The following SPAG16 variants were observed in gnomAD, a reference collection of about 807,000 sequenced individuals.
SPAG16 encodes the protein sperm-associated antigen 16 protein.
Under a neutral mutation model 80.4 loss-of-function variants are expected in SPAG16, and 86 were observed. The ratio of observed to expected loss-of-function variants is 1.07; its 90% CI spans 0.90 to 1.28. The LOEUF (loss-of-function observed/expected upper bound fraction) is 1.28. SPAG16 is among the 50% of genes most tolerant of loss of function. The pLI is 0.00. For synonymous variants in SPAG16, 294 were observed against 265.9 expected (o/e 1.11, Z -1.03); for missense variants, 870 against 765.3 (o/e 1.14, Z -1.61).
At chr2:213,349,536 G>C (rs2065207938) in intron 6 of SPAG16, among the ~76,000 whole-genome samples, 1 of 152,072 alleles carries the variant, frequency 6.6e-6, no homozygotes, top group Non-Finnish European at 1.5e-5. Context: ...TTAAACTCCT[G>C]GGTGTTTATC....
At chr2:214,112,282 A>G (rs371739644) in intron 14 of SPAG16, among the ~76,000 whole-genome samples, 2 of 152,148 alleles carry the variant, frequency 1.3e-5, no homozygotes, top group East Asian at 3.9e-4. Context: ...AGGAATGTAT[A>G]TTCTGTTGAT....
At chr2:214,034,424 A>T (rs947889777) in intron 13 of SPAG16, among the ~76,000 whole-genome samples, 2 of 152,242 alleles carry the variant, frequency 1.3e-5, no homozygotes, top group African/African-American at 4.8e-5. Flanking sequence ...GGAAACCTCC[A>T]TGGCCAGTGG....
At chr2:213,922,547 G>C (rs191113423) in intron 11 of SPAG16, among the ~76,000 whole-genome samples, 1 of 152,098 alleles carries the variant, frequency 6.6e-6, no homozygotes, top group Non-Finnish European at 1.5e-5. Flanking sequence ...ATTTCAGCCT[G>C]GTTAAGAACT....
intron 10 of SPAG16, among the ~76,000 whole-genome samples, chr2:213,507,551 C>G (rs1189226425): frequency 6.6e-6 from 1 of 152,200 alleles, no homozygotes; most frequent in Admixed American, 6.5e-5. Context: ...GATAGTCTTT[C>G]ATTTTGCCTA....
chr2:213,849,456 T>C (rs1206769260), intron 10 of SPAG16, among the ~76,000 whole-genome samples: 5 of 152,226 alleles, frequency 3.3e-5, no homozygotes, highest in African/African-American at 4.8e-5. Context: ...TGAAGTTTGA[T>C]GAGTATACTT....
chr2:213,342,468 A>T (rs2064751862), intron 6 of SPAG16, among the ~76,000 whole-genome samples: 1 of 150,800 alleles, frequency 6.6e-6, no homozygotes, highest in African/African-American at 2.4e-5. Flanking sequence ...ACTTTTTCTG[A>T]GTGTCATATT....
intron 7 of SPAG16, among the ~76,000 whole-genome samples, chr2:213,362,405 G>GT: frequency 6.6e-6 from 1 of 152,294 alleles, no homozygotes; most frequent in South Asian, 2.1e-4. Flanking sequence ...CAACTCAGCT[G>GT]TTGAGTGTTG....
intron 13 of SPAG16, among the ~76,000 whole-genome samples, chr2:214,079,544 AATC>A (rs2051257006): frequency 6.6e-6 from 1 of 152,242 alleles, no homozygotes; most frequent in African/African-American, 2.4e-5. Context: ...GCAAAAACTT[AATC>A]ATCATGTTAA....
chr2:214,236,161 T>G (rs553887447), intron 15 of SPAG16, among the ~76,000 whole-genome samples: 2 of 152,312 alleles, frequency 1.3e-5, no homozygotes, highest in South Asian at 4.1e-4. Context: ...TCTTGCTAAC[T>G]CAGATCAATT....
rs149679058 is a variant in SPAG16, at chr2:214,050,798, A to T, written c.1527+36721A>T. On this transcript the variant is annotated intron_variant, in intron 13 of 15. Transcript: ENST00000331683. Reference sequence around the variant, plus strand: ...TGTCACCAGACTATTTCTTCTCCTGAGTTATCAGACTAAATTATTTTCCTA... The same window carrying T: ...TGTCACCAGACTATTTCTTCTCCTGTGTTATCAGACTAAATTATTTTCCTA... 1.9e-4 allele frequency among the ~76,000 whole-genome samples: 29 copies of T among 152,154 alleles called. 1 individual carries two copies. The East Asian group carries it at 5.6e-3, about 29-fold the overall frequency.
chr2:214,096,101 T>G lies in SPAG16; in HGVS notation c.1528-12095T>G, dbSNP rs61447331. Among the ~76,000 whole-genome samples, 856 of 152,108 alleles carry G rather than the reference T, an allele frequency of 5.6e-3. 6 individuals are homozygous for G. Among genetic ancestry groups the G allele is most frequent in the African/African-American group, 0.02 (834 of 41,534 alleles). The stretch of plus-strand genomic sequence containing the variant: ...ATTTTGACTCTATTTGCTCTGAGAT[T>G]TCATTCTTATTCCCTTTGGCTTATC... On this transcript the variant is annotated intron_variant, in intron 13 of 15. Transcript: ENST00000331683.
At chr2:213,323,122 T>G (rs923547643) in intron 5 of SPAG16, among the ~76,000 whole-genome samples, 4 of 152,138 alleles carry the variant, frequency 2.6e-5, no homozygotes, top group Non-Finnish European at 4.4e-5. Context: ...ACCTCATACT[T>G]TTCAGGATGG....
intron 11 of SPAG16, among the ~76,000 whole-genome samples, chr2:213,868,322 T>C (rs2075790300): frequency 6.9e-6 from 1 of 144,712 alleles, no homozygotes; most frequent in African/African-American, 2.5e-5. Flanking sequence ...TCAACAGAAT[T>C]CCATTTTAAA....
chr2:214,339,006 C>T (rs575702174), intron 15 of SPAG16, among the ~76,000 whole-genome samples: 2 of 152,272 alleles, frequency 1.3e-5, no homozygotes, highest in East Asian at 3.9e-4. Context: ...TTTCTGCCAA[C>T]AGAAAGCATT....
intron 13 of SPAG16, among the ~76,000 whole-genome samples, chr2:214,043,786 C>A (rs1287821342): frequency 6.6e-6 from 1 of 151,940 alleles, no homozygotes; most frequent in Non-Finnish European, 1.5e-5. Context: ...TTTATTAAAT[C>A]CCTTTGAAGA....
chr2:213,692,175 G>A (rs1559380470), intron 10 of SPAG16, among the ~76,000 whole-genome samples: 1 of 152,052 alleles, frequency 6.6e-6, no homozygotes, highest in Non-Finnish European at 1.5e-5. Context: ...AAAATTTGAT[G>A]AAACCAATCA....
At chr2:213,517,833 C>T (rs1174204177) in intron 10 of SPAG16, among the ~76,000 whole-genome samples, 5 of 152,042 alleles carry the variant, frequency 3.3e-5, no homozygotes, top group Non-Finnish European at 7.4e-5. Context: ...AAATGTAAGA[C>T]CTAAAACTAT....
intron 10 of SPAG16, among the ~76,000 whole-genome samples, chr2:213,537,929 A>C: frequency 6.6e-6 from 1 of 152,282 alleles, no homozygotes; most frequent in East Asian, 1.9e-4. Context: ...GCTTCTTAAT[A>C]CAGAAAGTAT....
intron 11 of SPAG16, among the ~76,000 whole-genome samples, chr2:213,903,790 A>G (rs2077321011): frequency 6.6e-6 from 1 of 152,098 alleles, no homozygotes; most frequent in South Asian, 2.1e-4. Context: ...TATAAAACTG[A>G]ATGTTTTTTA....
Sources: allele counts gnomAD v4.1 joint callset (sites outside exome capture counted in the v4.1 genomes callset), GRCh38; gene constraint gnomAD v4.1.1; transcripts MANE v1.5; gene names NCBI Gene and HGNC (gene_info 2026-07-23, HGNC 2026-07-21).